The following NGEF variants were observed in gnomAD, a reference collection of about 807,000 sequenced individuals.
The protein encoded by NGEF is neuronal guanine nucleotide exchange factor.
Under a neutral mutation model 80.9 loss-of-function variants are expected in NGEF, and 31 were observed. The observed-to-expected ratio is 0.38, with a 90% confidence interval of 0.29 to 0.52. NGEF has a LOEUF of 0.52. NGEF is among the 20% of genes least tolerant of loss of function. The pLI is 0.84. For missense variants in NGEF, 709 were observed against 926.2 expected, an observed-to-expected ratio of 0.77 and a Z score of 3.04; for synonymous variants, 371 against 370.2, an observed-to-expected ratio of 1.00 and a Z score of -0.03.
chr2:232,891,009 T>C (rs1238175442), intron 8 of NGEF: 1 of 486,918 alleles, frequency 2.1e-6, no homozygotes, highest in Non-Finnish European at 4.2e-6. Flanking sequence ...CCCCACCAGC[T>C]CCTCCCTGTC....
chr2:233,009,793 G>A (rs967112912), intron 1 of NGEF, among the ~76,000 whole-genome samples: 10 of 152,144 alleles, frequency 6.6e-5, no homozygotes, highest in Admixed American at 3.3e-4. Context: ...AATTTCCCAT[G>A]GGACACGCTG....
At chr2:232,895,967 C>T (rs1692045323) in intron 5 of NGEF, among the ~76,000 whole-genome samples, 1 of 152,124 alleles carries the variant, frequency 6.6e-6, no homozygotes, top group Admixed American at 6.6e-5. Context: ...TCTGTAAGGG[C>T]AGGTGGCAGA....
At chr2:232,956,679 A>C (rs1693839547) in intron 3 of NGEF, among the ~76,000 whole-genome samples, 1 of 151,242 alleles carries the variant, frequency 6.6e-6, no homozygotes, top group South Asian at 2.1e-4. Context: ...AGGCAGGAGA[A>C]TTGCTCAATC....
At chr2:232,894,297 G>T (rs1691984790) in intron 6 of NGEF, among the ~76,000 whole-genome samples, 1 of 152,238 alleles carries the variant, frequency 6.6e-6, no homozygotes, top group African/African-American at 2.4e-5. Context: ...TGAGGATGTG[G>T]GAATCCAGGG....
intron 5 of NGEF, among the ~76,000 whole-genome samples, chr2:232,918,721 C>T (rs1450931474): frequency 2.7e-5 from 4 of 150,696 alleles, no homozygotes; most frequent in South Asian, 2.1e-4. Flanking sequence ...TGCAACCTCC[C>T]GAGTTCAAGC....
chr2:232,924,039 C>T lies in NGEF; in HGVS notation c.526+3005G>A, dbSNP rs576355529. ...ATCACCTGAGATCAGGAGTTTGAGA[C>T]CAGCCTGGCCAACATGGTGAAACCC... On this transcript the variant is annotated intron_variant, in intron 4 of 14. Transcript: ENST00000264051. 3.3e-5 allele frequency among the ~76,000 whole-genome samples: 5 copies of T among 152,176 alleles called. No individual in the cohort carries two copies. In the South Asian group the frequency reaches 6.2e-4, roughly 19 times the overall value.
chr2:232,932,163 CTTTTT>C (rs397988249), intron 3 of NGEF, among the ~76,000 whole-genome samples: 1 of 115,588 alleles, frequency 8.7e-6, no homozygotes, highest in Non-Finnish European at 1.7e-5. Context: ...AATCACCTTT[CTTTTT>C]TTTTTTTTTT....
chr2:233,010,878 G>A (rs1305705435), intron 1 of NGEF, among the ~76,000 whole-genome samples: 2 of 152,158 alleles, frequency 1.3e-5, no homozygotes, highest in Admixed American at 1.3e-4. Context: ...CCTCTCCCAA[G>A]GTGGGGAGAG....
At chr2:232,969,974 G>T in intron 3 of NGEF, 1 of 239,216 alleles carries the variant, frequency 4.2e-6, no homozygotes, top group Non-Finnish European at 7.9e-6. Flanking sequence ...AGGCCAGCCT[G>T]GGTAACATAG....
intron 3 of NGEF, among the ~76,000 whole-genome samples, chr2:232,935,991 C>A (rs1693317052): frequency 6.6e-6 from 1 of 152,146 alleles, no homozygotes; most frequent in Non-Finnish European, 1.5e-5. Context: ...AAATTTAATT[C>A]ACAGAGGCAG....
chr2:232,994,624 C>T (rs1694740730), intron 1 of NGEF, among the ~76,000 whole-genome samples: 1 of 152,078 alleles, frequency 6.6e-6, no homozygotes, highest in African/African-American at 2.4e-5. Flanking sequence ...TGGAGCCAGC[C>T]AGGCATGGCT....
chr2:232,949,817 GTT>G (rs540579976), intron 3 of NGEF, among the ~76,000 whole-genome samples: 1 of 133,064 alleles, frequency 7.5e-6, no homozygotes, highest in Non-Finnish European at 1.6e-5. Flanking sequence ...TAAATTTTTG[GTT>G]TTTTTTTTTT....
chr2:232,906,580 T>C (rs1362431935), intron 5 of NGEF, among the ~76,000 whole-genome samples: 1 of 48,404 alleles, frequency 2.1e-5, no homozygotes, highest in African/African-American at 7.9e-5. Flanking sequence ...GGCACCTCCC[T>C]CCGGCCACCC....
chr2:232,889,355 G>A (rs942015051), intron 8 of NGEF, among the ~76,000 whole-genome samples: 1 of 152,172 alleles, frequency 6.6e-6, no homozygotes, highest in Admixed American at 6.5e-5. Context: ...TGTGTCCCCA[G>A]CATGCTGCCT....
intron 1 of NGEF, among the ~76,000 whole-genome samples, chr2:232,978,684 C>T (rs1020840423): frequency 4.6e-5 from 7 of 151,850 alleles, no homozygotes; most frequent in African/African-American, 1.7e-4. Flanking sequence ...ACTGCCCCGC[C>T]CCCAGCCCCG....
intron 1 of NGEF, among the ~76,000 whole-genome samples, chr2:232,995,975 A>C (rs531253678): frequency 1.7e-4 from 26 of 152,008 alleles, no homozygotes; most frequent in Middle Eastern, 3.4e-3. Flanking sequence ...GTGTGAGCGT[A>C]AAACTGAATG....
intron 14 of NGEF, among the ~76,000 whole-genome samples, chr2:232,880,627 C>T (rs1691466892): frequency 6.6e-6 from 1 of 152,236 alleles, no homozygotes; most frequent in Admixed American, 6.5e-5. Context: ...GAAAGGGGGT[C>T]AGTGTTCAAT....
intron 1 of NGEF, among the ~76,000 whole-genome samples, chr2:233,006,506 C>T (rs1369655386): frequency 6.6e-6 from 1 of 152,136 alleles, no homozygotes; most frequent in Non-Finnish European, 1.5e-5. Flanking sequence ...GTGAAATCTT[C>T]CCAGACAGCT....
At chr2:232,900,896 T>C (rs1692332742) in intron 5 of NGEF, among the ~76,000 whole-genome samples, 1 of 152,204 alleles carries the variant, frequency 6.6e-6, no homozygotes, top group Non-Finnish European at 1.5e-5. Flanking sequence ...GCAGGCCCCC[T>C]CTCAGGCAGC....
Sources: gnomAD v4.1 joint callset for allele counts (sites outside exome capture counted in the v4.1 genomes callset) on GRCh38, gnomAD v4.1.1 for gene constraint, MANE v1.5 for transcripts, NCBI Gene and HGNC (gene_info 2026-07-23, HGNC 2026-07-21) for gene names.